FAM227B: variants seen among roughly 807,000 people sequenced by gnomAD.
FAM227B encodes protein FAM227B.
FAM227B carries 88 observed loss-of-function variants against 73.8 expected under a neutral mutation model. The ratio of observed to expected loss-of-function variants is 1.19; its 90% CI spans 1.00 to 1.42. The LOEUF is 1.42. Ranked by LOEUF, FAM227B falls within the 40% of genes most tolerant of loss-of-function variation. The pLI, the probability that FAM227B is intolerant of heterozygous loss-of-function variation, is 0.00. For synonymous variants in FAM227B, 210 were observed against 190.5 expected (o/e 1.10, Z -0.84); for missense variants, 632 against 590.9 (o/e 1.07, Z -0.72).
chr15:49,416,392 G>C (rs558732463), intron 11 of FAM227B, among the ~76,000 whole-genome samples: 19 of 152,194 alleles, frequency 1.2e-4, no homozygotes, highest in African/African-American at 4.3e-4. Context: ...CAGAAGAAAA[G>C]AGGAAGATAA....
At chr15:49,607,324 A>G (rs905134386) in intron 3 of FAM227B, among the ~76,000 whole-genome samples, 1 of 152,214 alleles carries the variant, frequency 6.6e-6, no homozygotes, top group Admixed American at 6.5e-5. Flanking sequence ...ATCTTAAATA[A>G]GACGCATAGC....
chr15:49,376,988 T>G (rs1474506676), intron 11 of FAM227B, among the ~76,000 whole-genome samples: 2 of 152,070 alleles, frequency 1.3e-5, no homozygotes, highest in Non-Finnish European at 2.9e-5. Context: ...AGCTACTTTT[T>G]TTTATTGTCT....
chr15:49,373,010 GA>G (rs2045944601), intron 11 of FAM227B, among the ~76,000 whole-genome samples: 1 of 151,876 alleles, frequency 6.6e-6, no homozygotes, highest in Non-Finnish European at 1.5e-5. Flanking sequence ...GAATGGGCAA[GA>G]AAAGTAATAA....
intron 3 of FAM227B, among the ~76,000 whole-genome samples, chr15:49,599,876 A>G (rs900549732): frequency 9.2e-5 from 14 of 152,086 alleles, no homozygotes; most frequent in African/African-American, 3.4e-4. Context: ...AAAAATTTGC[A>G]TTTTGTTGCT....
chr15:49,521,462 C>T (rs1156934766), intron 10 of FAM227B, among the ~76,000 whole-genome samples: 5 of 152,316 alleles, frequency 3.3e-5, no homozygotes, highest in Non-Finnish European at 5.9e-5. Flanking sequence ...TCTTACTCCC[C>T]TTGTCTACAG....
Position 49,552,062 on chromosome 15 carries a change from GTACT to G in FAM227B, c.748-10260_748-10257del, listed in dbSNP as rs377044779. Among the ~76,000 whole-genome samples the G allele has an allele frequency of 2.4e-3, 372 of 152,152 alleles. 4 individuals are homozygous for G. The highest frequency in any genetic ancestry group is 8.4e-3 in the African/African-American group (348 of 41,518). On this transcript the variant is annotated intron_variant, in intron 9 of 15. Transcript: ENST00000299338. ...TTTTAATATTCTGTGTTTTTTCTGTGTACTTACTATTACCAGTGAGTTTTGTAAA... is the reference window on the plus strand; with the variant it reads ...TTTTAATATTCTGTGTTTTTTCTGTGTACTATTACCAGTGAGTTTTGTAAA...
chr15:49,356,957 A>T (rs2043265220), intron 13 of FAM227B, among the ~76,000 whole-genome samples: 1 of 150,200 alleles, frequency 6.7e-6, no homozygotes, highest in South Asian at 2.1e-4. Flanking sequence ...ACTACATGGA[A>T]ACTGAACAAC....
At chr15:49,578,851 AAC>A in intron 5 of FAM227B, among the ~76,000 whole-genome samples, 1 of 152,322 alleles carries the variant, frequency 6.6e-6, no homozygotes, top group South Asian at 2.1e-4. Flanking sequence ...GGAAACAATT[AAC>A]AGAGTGATGA....
chr15:49,605,842 T>C (rs1390931276), intron 3 of FAM227B, among the ~76,000 whole-genome samples: 1 of 152,028 alleles, frequency 6.6e-6, no homozygotes, highest in African/African-American at 2.4e-5. Context: ...AGTTTGAGTC[T>C]GAGAGGGATA....
intron 11 of FAM227B, among the ~76,000 whole-genome samples, chr15:49,505,724 A>C (rs972742881): frequency 1.3e-5 from 2 of 152,064 alleles, no homozygotes; most frequent in African/African-American, 4.8e-5. Flanking sequence ...AAAAGAAGAC[A>C]GGGAAAACAA....
intron 11 of FAM227B, among the ~76,000 whole-genome samples, chr15:49,490,243 G>A (rs1349731211): frequency 6.6e-6 from 1 of 151,716 alleles, no homozygotes; most frequent in East Asian, 1.9e-4. Flanking sequence ...CACAGGAAAT[G>A]TAGACACTAG....
At chr15:49,515,000 T>C (rs2059283227) in intron 10 of FAM227B, among the ~76,000 whole-genome samples, 1 of 152,154 alleles carries the variant, frequency 6.6e-6, no homozygotes, top group Admixed American at 6.6e-5. Context: ...GGACAAATTT[T>C]TGAAAAGACC....
intron 11 of FAM227B, among the ~76,000 whole-genome samples, chr15:49,392,284 T>G (rs750347128): frequency 6.6e-6 from 1 of 152,096 alleles, no homozygotes; most frequent in Non-Finnish European, 1.5e-5. Flanking sequence ...AATTAGTACC[T>G]TGGAGAAGGA....
intron 10 of FAM227B, among the ~76,000 whole-genome samples, chr15:49,530,833 G>A (rs2060552089): frequency 1.3e-5 from 2 of 150,502 alleles, no homozygotes; most frequent in South Asian, 4.2e-4. Context: ...AATTAAAAGT[G>A]CAACACATAT....
At chr15:49,485,389 T>G (rs1597497400) in intron 11 of FAM227B, 1 of 152,496 alleles carries the variant, frequency 6.6e-6, no homozygotes, top group African/African-American at 2.4e-5. Context: ...ATAATCATGC[T>G]TTTTTCCTAT....
intron 5 of FAM227B, among the ~76,000 whole-genome samples, chr15:49,581,982 C>T (rs1290408930): frequency 1.3e-5 from 2 of 152,186 alleles, no homozygotes; most frequent in Admixed American, 6.5e-5. Flanking sequence ...CTTGGGCACC[C>T]CTTGGTCTGC....
intron 11 of FAM227B, among the ~76,000 whole-genome samples, chr15:49,457,145 C>T (rs573596480): frequency 6.6e-6 from 1 of 152,122 alleles, no homozygotes; most frequent in South Asian, 2.1e-4. Flanking sequence ...CAGTAGAGAA[C>T]TACTAAAACT....
intron 8 of FAM227B, among the ~76,000 whole-genome samples, chr15:49,573,469 G>A (rs772319360): frequency 1.3e-5 from 2 of 152,156 alleles, no homozygotes; most frequent in Non-Finnish European, 2.9e-5. Context: ...CCAATGCAGT[G>A]GTGTTGGGAG....
intron 11 of FAM227B, among the ~76,000 whole-genome samples, chr15:49,479,612 T>G (rs1255726436): frequency 3.0e-5 from 4 of 134,974 alleles, no homozygotes; most frequent in East Asian, 4.2e-4. Context: ...TTTTTTTTTT[T>G]TTTTTTTTTT....
Sources: gnomAD v4.1 joint callset for allele counts (sites outside exome capture counted in the v4.1 genomes callset) on GRCh38, gnomAD v4.1.1 for gene constraint, MANE v1.5 for transcripts, NCBI Gene and HGNC (gene_info 2026-07-23, HGNC 2026-07-21) for gene names.